The following CPA6 variants were observed in gnomAD, a reference collection of about 807,000 sequenced individuals.
The protein encoded by CPA6 is carboxypeptidase A6.
A neutral mutation model predicts 63.3 loss-of-function variants in CPA6; 58 were observed. The ratio of observed to expected loss-of-function variants is 0.92; its 90% CI spans 0.74 to 1.14. The LOEUF (loss-of-function observed/expected upper bound fraction) is 1.14, where lower values mean the gene tolerates loss of function less well. Among genes scored for constraint, CPA6 ranks in the 50% most tolerant of loss-of-function variants. The pLI is 0.00. For missense variants in CPA6, 565 were observed against 526.6 expected, an observed-to-expected ratio of 1.07 and a Z score of -0.71; for synonymous variants, 185 against 179.0, an observed-to-expected ratio of 1.03 and a Z score of -0.27.
At chr8:67,559,981 C>A (rs1813165830) in intron 2 of CPA6, among the ~76,000 whole-genome samples, 1 of 151,850 alleles carries the variant, frequency 6.6e-6, no homozygotes, top group Non-Finnish European at 1.5e-5. Context: ...ATCTCTCAAT[C>A]TGGAAAAAGC....
chr8:67,561,077 C>T (rs374731776), intron 2 of CPA6, among the ~76,000 whole-genome samples: 3 of 152,082 alleles, frequency 2.0e-5, no homozygotes, highest in South Asian at 4.1e-4. Context: ...TGGAGCAGTC[C>T]AATTAATCAT....
At chr8:67,742,495 G>A (rs1342824709) in intron 1 of CPA6, among the ~76,000 whole-genome samples, 3 of 152,164 alleles carry the variant, frequency 2.0e-5, no homozygotes, top group Non-Finnish European at 4.4e-5. Context: ...TATCTGGACT[G>A]TACTTCATTT....
At chr8:67,523,203 TTA>T (rs1812295673) in intron 2 of CPA6, among the ~76,000 whole-genome samples, 1 of 152,156 alleles carries the variant, frequency 6.6e-6, no homozygotes, top group Non-Finnish European at 1.5e-5. Context: ...TTTGTTAGGC[TTA>T]AATGAATACA....
rs140260577 is a variant in CPA6, at chr8:67,578,442, C to T, written c.192+45734G>A. Among the ~76,000 whole-genome samples, 43 of 152,264 alleles carry T rather than the reference C, an allele frequency of 2.8e-4. 2 individuals are homozygous for T. In the East Asian group the frequency reaches 8.3e-3, roughly 29 times the overall value. ...CTGTTGGTGATTTGGCTTGTCTTGGCTATTGGTTTGAATTAATAGTGTATC... is the reference window on the plus strand; with the variant it reads ...CTGTTGGTGATTTGGCTTGTCTTGGTTATTGGTTTGAATTAATAGTGTATC... On this transcript the variant is annotated intron_variant, in intron 2 of 10. Coordinates refer to ENST00000297770, the MANE Select transcript of CPA6 (RefSeq NM_020361.5).
At chr8:67,704,973 T>C (rs907733903) in intron 1 of CPA6, among the ~76,000 whole-genome samples, 8 of 152,062 alleles carry the variant, frequency 5.3e-5, no homozygotes, top group African/African-American at 9.7e-5. Flanking sequence ...CAGTATTTTA[T>C]AGGTGAGAGT....
intron 1 of CPA6, among the ~76,000 whole-genome samples, chr8:67,652,783 C>T (rs1230856452): frequency 6.0e-5 from 9 of 150,994 alleles, no homozygotes; most frequent in Non-Finnish European, 7.4e-5. Context: ...GTTGCCATTG[C>T]TTTTGGTATT....
chr8:67,534,714 CTTT>C (rs869056425), intron 2 of CPA6, among the ~76,000 whole-genome samples: 1 of 152,168 alleles, frequency 6.6e-6, no homozygotes, highest in East Asian at 1.9e-4. Flanking sequence ...TGAAAAATAT[CTTT>C]TTTTTTTAAA....
intron 10 of CPA6, among the ~76,000 whole-genome samples, chr8:67,427,240 A>T (rs2128951145): frequency 6.6e-6 from 1 of 152,296 alleles, no homozygotes; most frequent in South Asian, 2.1e-4. Flanking sequence ...TTGGTTTTAC[A>T]TACCCCCTAT....
At chr8:67,612,274 G>A (rs1450263430) in intron 2 of CPA6, among the ~76,000 whole-genome samples, 1 of 152,130 alleles carries the variant, frequency 6.6e-6, no homozygotes. Flanking sequence ...AAAGCCCAAA[G>A]GTTGCTTCTT....
intron 1 of CPA6, among the ~76,000 whole-genome samples, chr8:67,733,424 T>C (rs922091853): frequency 2.6e-5 from 4 of 151,412 alleles, no homozygotes; most frequent in African/African-American, 9.7e-5. Flanking sequence ...ACCTCCTCTT[T>C]CCCACGCGTG....
intron 1 of CPA6, among the ~76,000 whole-genome samples, chr8:67,713,198 T>A (rs1817309306): frequency 6.9e-6 from 1 of 145,676 alleles, no homozygotes; most frequent in Admixed American, 7.0e-5. Context: ...CTGGAACATA[T>A]CCCCCGTGAA....
At position 67,568,449 on chromosome 8, in the gene CPA6, T is replaced by C. The variant is rs989035652; in HGVS notation, c.193-50402A>G. 5.3e-5 allele frequency among the ~76,000 whole-genome samples: 8 copies of C among 151,898 alleles called. 1 individual carries two copies. The South Asian group carries it at 8.3e-4, about 16-fold the overall frequency. On this transcript the variant is annotated intron_variant, in intron 2 of 10. Transcript: ENST00000297770. ...AAAATACACAAACAACACCAGAAAT[T>C]TGACAAATAAATAGAGACAATACAC...
intron 1 of CPA6, among the ~76,000 whole-genome samples, chr8:67,677,214 T>C (rs953387390): frequency 6.6e-6 from 1 of 152,208 alleles, no homozygotes; most frequent in Non-Finnish European, 1.5e-5. Context: ...CAATTCAGAA[T>C]ATTTGGAAAG....
intron 2 of CPA6, among the ~76,000 whole-genome samples, chr8:67,576,987 C>A (rs1587586403): frequency 1.3e-5 from 2 of 152,088 alleles, no homozygotes; most frequent in South Asian, 4.1e-4. Context: ...TCTTAGCCTC[C>A]CCAGTAGCTG....
intron 1 of CPA6, among the ~76,000 whole-genome samples, chr8:67,712,016 C>T (rs1032100630): frequency 1.3e-5 from 2 of 152,176 alleles, no homozygotes; most frequent in African/African-American, 4.8e-5. Flanking sequence ...TATCTGCCCC[C>T]TCCCGCTATC....
intron 1 of CPA6, among the ~76,000 whole-genome samples, chr8:67,688,465 T>G (rs193212696): frequency 7.2e-5 from 11 of 152,318 alleles, no homozygotes; most frequent in Non-Finnish European, 1.0e-4. Context: ...CTCACAGGAC[T>G]CATTTACCCA....
At position 67,451,795 on chromosome 8, in the gene CPA6, G is replaced by A. The variant is rs576357963; in HGVS notation, c.839-17555C>T. Among the ~76,000 whole-genome samples the A allele has an allele frequency of 8.5e-5, 13 of 152,264 alleles. No individual in the cohort carries two copies. The East Asian group carries it at 2.5e-3, about 29-fold the overall frequency. ...ACCACCACAAAATATTTTCAGATAA[G>A]CCTGTTGGTCCATGAGAATATTATC... is the stretch of plus-strand genomic sequence containing the variant. On this transcript the variant is annotated intron_variant, in intron 8 of 10. Transcript: ENST00000297770.
At chr8:67,442,758 G>A (rs748057680) in intron 8 of CPA6, among the ~76,000 whole-genome samples, 8 of 152,140 alleles carry the variant, frequency 5.3e-5, no homozygotes, top group Non-Finnish European at 1.2e-4. Context: ...GGTACAGTGA[G>A]CATAGTTGAC....
chr8:67,713,113 A>G lies in CPA6; in HGVS notation c.116+32901T>C, dbSNP rs1198628971. 4.8e-3 allele frequency among the ~76,000 whole-genome samples: 528 copies of G among 109,876 alleles called. 10 individuals are homozygous for G. Among genetic ancestry groups the G allele is most frequent in the African/African-American group, 0.016 (464 of 29,182 alleles). 72.1% of individuals were successfully genotyped at this position (109,876 alleles called of 152,430 possible). On this transcript the variant is annotated intron_variant, in intron 1 of 10. Coordinates refer to ENST00000297770, the MANE Select transcript of CPA6 (RefSeq NM_020361.5). The stretch of plus-strand genomic sequence containing the variant: ...TGTGTGTGTGTGTATATATATATAT[A>G]TATATATATATATATATATATATAT...
Sources: allele counts gnomAD v4.1 joint callset (sites outside exome capture counted in the v4.1 genomes callset), GRCh38; gene constraint gnomAD v4.1.1; transcripts MANE v1.5; gene names NCBI Gene and HGNC (gene_info 2026-07-23, HGNC 2026-07-21).